CNTNAP5: variants seen among roughly 807,000 people sequenced by gnomAD.
The protein encoded by CNTNAP5 is contactin-associated protein-like 5.
CNTNAP5 carries 72 observed loss-of-function variants against 150.2 expected under a neutral mutation model. The ratio of observed to expected loss-of-function variants is 0.48; its 90% CI spans 0.40 to 0.58. The LOEUF is 0.58. Among genes scored for constraint, CNTNAP5 ranks in the 20% least tolerant of loss-of-function variants. The pLI, the probability that CNTNAP5 is intolerant of heterozygous loss-of-function variation, is 0.00. For synonymous variants in CNTNAP5, 672 were observed against 619.8 expected (o/e 1.08, Z -1.25); for missense variants, 1,636 against 1,626.2 (o/e 1.01, Z -0.10).
At chr2:124,908,724 G>A (rs1302442844) in intron 22 of CNTNAP5, among the ~76,000 whole-genome samples, 3 of 152,230 alleles carry the variant, frequency 2.0e-5, no homozygotes, top group Non-Finnish European at 4.4e-5. Context: ...TGTTGGCCTT[G>A]AAGACCTTTC....
chr2:124,693,677 T>A (rs990902408), intron 13 of CNTNAP5, among the ~76,000 whole-genome samples: 1 of 152,092 alleles, frequency 6.6e-6, no homozygotes, highest in Admixed American at 6.6e-5. Flanking sequence ...GAGCTGTCCT[T>A]TCCCTACTGG....
At chr2:124,697,624 A>G (rs1002073544) in intron 13 of CNTNAP5, among the ~76,000 whole-genome samples, 2 of 151,866 alleles carry the variant, frequency 1.3e-5, no homozygotes, top group Non-Finnish European at 2.9e-5. Context: ...AAAAAAAAAA[A>G]AAAAGCTGTA....
chr2:124,094,562 A>C (rs1199811115), intron 1 of CNTNAP5, among the ~76,000 whole-genome samples: 1 of 152,200 alleles, frequency 6.6e-6, no homozygotes, highest in African/African-American at 2.4e-5. Context: ...ACATTTAAGC[A>C]CCATGCTCTT....
chr2:124,354,465 G>A (rs970743512), intron 3 of CNTNAP5, among the ~76,000 whole-genome samples: 5 of 152,136 alleles, frequency 3.3e-5, no homozygotes, highest in Non-Finnish European at 7.3e-5. Flanking sequence ...TAGAAGGCAG[G>A]GGCAGATATT....
chr2:124,340,169 C>G (rs182411727), intron 3 of CNTNAP5, among the ~76,000 whole-genome samples: 1 of 152,222 alleles, frequency 6.6e-6, no homozygotes, highest in East Asian at 1.9e-4. Flanking sequence ...TATTATCAGC[C>G]TTGTTTTAAG....
chr2:124,776,864 C>T (rs186614853), intron 17 of CNTNAP5, among the ~76,000 whole-genome samples: 168 of 152,108 alleles, frequency 1.1e-3, no homozygotes, highest in African/African-American at 4.0e-3. Context: ...GTTTTTTTAA[C>T]ATTATATAAA....
intron 2 of CNTNAP5, among the ~76,000 whole-genome samples, chr2:124,224,797 A>T (rs1245719890): frequency 6.6e-6 from 1 of 152,120 alleles, no homozygotes; most frequent in African/African-American, 2.4e-5. Flanking sequence ...TAACATTTAG[A>T]AAGTTAAGAA....
chr2:124,383,770 A>T (rs1209388779), intron 3 of CNTNAP5, among the ~76,000 whole-genome samples: 1 of 152,222 alleles, frequency 6.6e-6, no homozygotes, highest in Admixed American at 6.5e-5. Context: ...GGTTACAGCA[A>T]AAGTGTATTT....
intron 1 of CNTNAP5, among the ~76,000 whole-genome samples, chr2:124,070,396 GAAAAA>G (rs70996039): frequency 1.6e-4 from 12 of 72,968 alleles, no homozygotes; most frequent in African/African-American, 6.7e-4. Context: ...GCTGAATGGG[GAAAAA>G]AAAAAAAAAA....
At chr2:124,079,078 G>A (rs1266527421) in intron 1 of CNTNAP5, among the ~76,000 whole-genome samples, 2 of 152,142 alleles carry the variant, frequency 1.3e-5, no homozygotes. Flanking sequence ...GGACTGTCAG[G>A]GTGAGTCTGG....
intron 8 of CNTNAP5, among the ~76,000 whole-genome samples, chr2:124,517,586 A>G (rs1219956916): frequency 0.017 from 1,007 of 60,684 alleles, no homozygotes; most frequent in Middle Eastern, 0.069. Context: ...TGGTGATGGA[A>G]GATTGTGGTG....
At chr2:124,163,476 G>C (rs770097358) in intron 1 of CNTNAP5, among the ~76,000 whole-genome samples, 2 of 152,108 alleles carry the variant, frequency 1.3e-5, no homozygotes, top group Admixed American at 1.3e-4. Context: ...CAGGCATGGG[G>C]GTGTGAATCT....
At chr2:124,146,057 T>C (rs1230147333) in intron 1 of CNTNAP5, among the ~76,000 whole-genome samples, 2 of 152,086 alleles carry the variant, frequency 1.3e-5, no homozygotes, top group African/African-American at 4.8e-5. Flanking sequence ...AAGAGCCCAC[T>C]TAAAGCAGAT....
rs745608678 is a variant in CNTNAP5, at chr2:124,504,597, C to T, written c.1327+41C>T. On this transcript the variant is annotated intron_variant, in intron 8 of 23. Coordinates refer to ENST00000682447, the MANE Select transcript of CNTNAP5 (RefSeq NM_001367498.1). ...ACTCTGGATCAGCTTCTTGTTTATC[C>T]AAGTCGACAAAGGTTGAGGTCCTGA... is the stretch of plus-strand genomic sequence containing the variant. 17 of 1,595,640 alleles carry T rather than the reference C, an allele frequency of 1.1e-5. No individual in the cohort carries two copies. The East Asian group carries it at 2.9e-4, about 27-fold the overall frequency.
chr2:124,227,275 A>G (rs1290381621), intron 2 of CNTNAP5, among the ~76,000 whole-genome samples: 1 of 152,152 alleles, frequency 6.6e-6, no homozygotes, highest in Admixed American at 6.6e-5. Flanking sequence ...TAATAAATGC[A>G]GTCACAATGG....
intron 3 of CNTNAP5, among the ~76,000 whole-genome samples, chr2:124,411,541 G>C (rs1691764194): frequency 6.9e-6 from 1 of 145,960 alleles, no homozygotes; most frequent in Admixed American, 6.8e-5. Context: ...TGATCAAGTG[G>C]GCTTCATCCC....
intron 1 of CNTNAP5, among the ~76,000 whole-genome samples, chr2:124,180,795 T>G (rs548436590): frequency 2.6e-4 from 34 of 132,468 alleles, no homozygotes; most frequent in Admixed American, 4.8e-4. Flanking sequence ...CCCCAAATAA[T>G]TCAAGCTCTG....
intron 12 of CNTNAP5, among the ~76,000 whole-genome samples, chr2:124,616,925 CA>C (rs1157161286): frequency 1.3e-5 from 2 of 151,864 alleles, no homozygotes; most frequent in African/African-American, 4.8e-5. Flanking sequence ...CATGATGCCC[CA>C]AAACAATTAG....
chr2:124,718,212 A>G (rs753247290), intron 13 of CNTNAP5, among the ~76,000 whole-genome samples: 4 of 152,228 alleles, frequency 2.6e-5, no homozygotes, highest in Non-Finnish European at 5.9e-5. Context: ...AAAATATAAA[A>G]ATACAAAGAT....
Sources: gnomAD v4.1 joint callset for allele counts (sites outside exome capture counted in the v4.1 genomes callset) on GRCh38, gnomAD v4.1.1 for gene constraint, MANE v1.5 for transcripts, NCBI Gene and HGNC (gene_info 2026-07-23, HGNC 2026-07-21) for gene names.